The following CACNA1C variants were observed in gnomAD, a reference collection of about 807,000 sequenced individuals.
The protein encoded by CACNA1C is voltage-dependent L-type calcium channel subunit alpha-1C.
Under a neutral mutation model 229.0 loss-of-function variants are expected in CACNA1C, and 30 were observed. That is an observed-to-expected ratio of 0.13 (90% CI 0.10 to 0.18). CACNA1C has a LOEUF of 0.18. Ranked by LOEUF, CACNA1C falls within the 10% of genes least tolerant of loss-of-function variation. CACNA1C has a pLI of 1.00. For synonymous variants in CACNA1C, 1,114 were observed against 1,132.5 expected, an observed-to-expected ratio of 0.98 and a Z score of 0.33; for missense variants, 1,658 against 2,845.0, an observed-to-expected ratio of 0.58 and a Z score of 9.49.
At chr12:2,392,582 T>G (rs1386213302) in intron 3 of CACNA1C, among the ~76,000 whole-genome samples, 1 of 152,212 alleles carries the variant, frequency 6.6e-6, no homozygotes, top group Non-Finnish European at 1.5e-5. Context: ...CATTCCTCCC[T>G]GAGCTATTTT....
At chr12:2,281,186 C>T (rs538659160) in intron 3 of CACNA1C, among the ~76,000 whole-genome samples, 2 of 147,026 alleles carry the variant, frequency 1.4e-5, no homozygotes, top group African/African-American at 2.5e-5. Flanking sequence ...ACATATAGTA[C>T]GGGAACTTCA....
chr12:2,198,791 C>G (rs1488383110), intron 3 of CACNA1C, among the ~76,000 whole-genome samples: 2 of 152,056 alleles, frequency 1.3e-5, no homozygotes, highest in South Asian at 2.1e-4. Flanking sequence ...GGCCCTCATT[C>G]CCACCACATC....
At chr12:2,374,719 G>C (rs540743763) in intron 3 of CACNA1C, among the ~76,000 whole-genome samples, 1 of 152,222 alleles carries the variant, frequency 6.6e-6, no homozygotes, top group Non-Finnish European at 1.5e-5. Flanking sequence ...ACTAATAGTA[G>C]GTGATAACCA....
chr12:2,407,995 C>T (rs920240974), intron 3 of CACNA1C, among the ~76,000 whole-genome samples: 10 of 152,358 alleles, frequency 6.6e-5, no homozygotes, highest in African/African-American at 7.2e-5. Flanking sequence ...GGAACCTCAA[C>T]GTCCATCCTC....
intron 3 of CACNA1C, among the ~76,000 whole-genome samples, chr12:2,280,497 T>C (rs1297929724): frequency 5.5e-5 from 4 of 72,184 alleles, no homozygotes; most frequent in African/African-American, 2.1e-4. Flanking sequence ...TACCTTGCTG[T>C]GCTTCGGTTT....
intron 9 of CACNA1C, 150 bp downstream of exon 9, chr12:2,513,134 TTGC>T: frequency 1.8e-6 from 1 of 550,566 alleles, no homozygotes; most frequent in Non-Finnish European, 3.2e-6. Context: ...TGGCAGTCAC[TTGC>T]TGCACACAGA....
rs567030246 is a variant in CACNA1C at position 2,309,266 on chromosome 12, A to G, written c.478-139710A>G. 5.4e-4 allele frequency among the ~76,000 whole-genome samples: 83 copies of G among 152,296 alleles called. 1 individual carries two copies. Among genetic ancestry groups the G allele is most frequent in the Admixed American group, 8.5e-4 (13 of 15,302 alleles). Reference sequence around the variant, plus strand: ...GAGGGATAAACACTGTGTGATCTCAATTGTATGTGGAATCTAAAAGAGCCC... The same window carrying G: ...GAGGGATAAACACTGTGTGATCTCAGTTGTATGTGGAATCTAAAAGAGCCC... On this transcript the variant is annotated intron_variant, in intron 3 of 46. Coordinates refer to ENST00000399655, the MANE Select transcript of CACNA1C (RefSeq NM_000719.7).
intron 3 of CACNA1C, among the ~76,000 whole-genome samples, chr12:2,375,209 A>G (rs2098011971): frequency 1.3e-5 from 2 of 152,180 alleles, no homozygotes; most frequent in African/African-American, 4.8e-5. Context: ...AGCGGCTGCC[A>G]AGGAGACAGG....
intron 9 of CACNA1C, among the ~76,000 whole-genome samples, chr12:2,538,892 G>T (rs1386412615): frequency 6.6e-6 from 1 of 152,210 alleles, no homozygotes; most frequent in Non-Finnish European, 1.5e-5. Flanking sequence ...ACACAGCCCA[G>T]TTGCTCAGGT....
intron 1 of CACNA1C, among the ~76,000 whole-genome samples, chr12:2,106,567 C>T (rs1280010014): frequency 7.6e-5 from 9 of 118,978 alleles, no homozygotes; most frequent in Non-Finnish European, 5.5e-5. Flanking sequence ...CTCAGCTGGG[C>T]ATCCTGAAGC....
intron 1 of CACNA1C, among the ~76,000 whole-genome samples, chr12:2,013,903 T>C (rs2044863891): frequency 6.6e-6 from 1 of 152,192 alleles, no homozygotes; most frequent in Non-Finnish European, 1.5e-5. Context: ...GCTTTAGAAG[T>C]AGGGTTTGAG....
At chr12:2,138,246 C>T (rs1449934186) in intron 3 of CACNA1C, among the ~76,000 whole-genome samples, 1 of 151,236 alleles carries the variant, frequency 6.6e-6, no homozygotes, top group East Asian at 1.9e-4. Context: ...GAGGAGACCT[C>T]ACGTCTGCAC....
chr12:2,682,668 T>G lies in CACNA1C; in HGVS notation c.5563T>G (p.Ser1855Ala), dbSNP rs1378752675. Residue 1855 changes from serine (S) to alanine (A), a missense_variant, in exon 43 of 47, where the codon TCC (serine) becomes GCC (alanine). Around this residue, in one of 20 missense-constraint regions of CACNA1C, gnomAD observed 590 missense variants for 700.8 expected, o/e 0.84. Transcript: ENST00000399655. ...TEACSEPSLL[S>A]TEMLSYQDDE... ...GGCCTGCAGTGAGCCCAGCCTGCTC[T>G]CCACAGAGATGTGAGCTCTGCTGCC... 1.2e-6 allele frequency: 2 copies of G among 1,610,860 alleles called. No individual in the cohort carries two copies. The highest frequency in any genetic ancestry group is 2.2e-5 in the East Asian group (1 of 44,832).
In CACNA1C at chr12:2,668,965, C is replaced by T. The variant is rs372600490; in HGVS notation, c.4656C>T (p.Ser1552=). The T allele has an allele frequency of 5.6e-6, 9 of 1,613,898 alleles. No individual in the cohort carries two copies. The highest frequency in any genetic ancestry group is 1.3e-5 in the African/African-American group (1 of 74,924). The change falls in exon 38 of 47, where the codon AGC becomes AGT. Residue 1552 remains serine (S), a synonymous_variant. Transcript: ENST00000399655. The part of the protein sequence containing the change: ...RLVSMNMPLN[S]DGTVMFNATL... Reference sequence around the variant, plus strand: ...TCTCCATGAACATGCCTCTGAACAGCGACGGGACAGTCATGTTCAATGCCA... The same window carrying T: ...TCTCCATGAACATGCCTCTGAACAGTGACGGGACAGTCATGTTCAATGCCA...
At chr12:2,106,683 G>A (rs2078882340) in intron 1 of CACNA1C, among the ~76,000 whole-genome samples, 4 of 82,878 alleles carry the variant, frequency 4.8e-5, no homozygotes, top group South Asian at 5.4e-4. Flanking sequence ...GCGTCCTGAA[G>A]CCACTGGGCG....
intron 1 of CACNA1C, among the ~76,000 whole-genome samples, chr12:1,981,129 C>T (rs1040936122): frequency 2.0e-5 from 3 of 152,246 alleles, no homozygotes; most frequent in Non-Finnish European, 4.4e-5. Flanking sequence ...TCACAATCAC[C>T]TCTAGGAACT....
At chr12:2,421,312 G>A (rs964208514) in intron 3 of CACNA1C, among the ~76,000 whole-genome samples, 24 of 152,330 alleles carry the variant, frequency 1.6e-4, no homozygotes, top group Middle Eastern at 3.4e-3. Flanking sequence ...AAGGGCAAAG[G>A]AAAAGCAAGA....
chr12:2,191,901 T>G (rs536722333), intron 3 of CACNA1C, among the ~76,000 whole-genome samples: 1 of 103,412 alleles, frequency 9.7e-6, no homozygotes, highest in Admixed American at 9.9e-5. Flanking sequence ...GGCACACACA[T>G]GCACACATGG....
intron 3 of CACNA1C, among the ~76,000 whole-genome samples, chr12:2,239,821 C>CG (rs1362805868): frequency 3.9e-5 from 6 of 152,094 alleles, no homozygotes; most frequent in Admixed American, 2.0e-4. Context: ...CGAGCATCTG[C>CG]GGGGGGCGGT....
Sources: allele counts gnomAD v4.1 joint callset (sites outside exome capture counted in the v4.1 genomes callset), GRCh38; gene constraint gnomAD v4.1.1; regional missense constraint gnomAD v4.1.1; transcripts MANE v1.5; gene names NCBI Gene and HGNC (gene_info 2026-07-23, HGNC 2026-07-21).